Variants in KCNJ6 observed in about 807,000 individuals in gnomAD.
KCNJ6 encodes the protein G protein-activated inward rectifier potassium channel 2.
Under a neutral mutation model 34.2 loss-of-function variants are expected in KCNJ6, and 9 were observed. The ratio of observed to expected loss-of-function variants is 0.26; its 90% CI spans 0.16 to 0.46. The LOEUF is 0.46. Among genes scored for constraint, KCNJ6 ranks in the 20% least tolerant of loss-of-function variants. KCNJ6 has a pLI of 1.00. For synonymous variants in KCNJ6, 196 were observed against 207.1 expected (o/e 0.95, Z 0.46); for missense variants, 236 against 531.3 (o/e 0.44, Z 5.46).
chr21:37,869,853 C>T (rs924393747), intron 1 of KCNJ6, among the ~76,000 whole-genome samples: 6 of 152,208 alleles, frequency 3.9e-5, no homozygotes, highest in Admixed American at 3.9e-4. Context: ...TTAGCAGATG[C>T]TAAGTAGTGA....
At chr21:37,658,184 GA>G (rs1345776107) in intron 3 of KCNJ6, among the ~76,000 whole-genome samples, 1 of 152,210 alleles carries the variant, frequency 6.6e-6, no homozygotes, top group African/African-American at 2.4e-5. Flanking sequence ...ATTCATTTTA[GA>G]GATTAAGTGG....
chr21:37,722,258 A>G (rs541877233), intron 2 of KCNJ6, among the ~76,000 whole-genome samples: 78 of 152,318 alleles, frequency 5.1e-4, no homozygotes, highest in African/African-American at 1.7e-3. Flanking sequence ...AATGATCTCT[A>G]CAAGAACTAC....
chr21:37,792,823 G>A (rs1443285636), intron 2 of KCNJ6, among the ~76,000 whole-genome samples: 2 of 152,140 alleles, frequency 1.3e-5, no homozygotes, highest in African/African-American at 4.8e-5. Context: ...TGGTAAGCTC[G>A]GAAGCACTTC....
At chr21:37,805,303 A>T (rs1178302715) in intron 2 of KCNJ6, among the ~76,000 whole-genome samples, 1 of 151,920 alleles carries the variant, frequency 6.6e-6, no homozygotes, top group African/African-American at 2.4e-5. Context: ...TGAGAAAAAT[A>T]TCACTTCTGG....
In KCNJ6 at chr21:37,715,638, T is replaced by A. The variant is rs183258648; in HGVS notation, c.26-507A>T. Among the ~76,000 whole-genome samples, 18 of 152,290 alleles carry A rather than the reference T, an allele frequency of 1.2e-4. No individual in the cohort carries two copies. The East Asian group carries it at 3.5e-3, about 29-fold the overall frequency. On this transcript the variant is annotated intron_variant, in intron 2 of 3. Transcript: ENST00000609713. The stretch of plus-strand genomic sequence containing the variant: ...CCCCTAAGGTGACAGTATTGGGAGA[T>A]AAGGCCTTTAAGGAGATAGTTAAAG...
chr21:37,724,748 G>A (rs779049306), intron 2 of KCNJ6, among the ~76,000 whole-genome samples: 11 of 152,126 alleles, frequency 7.2e-5, no homozygotes, highest in Admixed American at 1.3e-4. Flanking sequence ...AGCTGAGGGC[G>A]ACCTGGACCT....
intron 1 of KCNJ6, among the ~76,000 whole-genome samples, chr21:37,879,093 C>T (rs986608422): frequency 1.3e-5 from 2 of 152,130 alleles, no homozygotes; most frequent in African/African-American, 2.4e-5. Context: ...ATGCAACAGA[C>T]GGTGATCTTG....
intron 2 of KCNJ6, among the ~76,000 whole-genome samples, chr21:37,724,258 C>T (rs532747337): frequency 1.4e-4 from 22 of 152,120 alleles, no homozygotes; most frequent in African/African-American, 4.3e-4. Context: ...AAGAGCCAGA[C>T]GGTAAATACT....
chr21:37,857,763 GA>G (rs560025089), intron 1 of KCNJ6, among the ~76,000 whole-genome samples: 1 of 151,436 alleles, frequency 6.6e-6, no homozygotes, highest in South Asian at 2.1e-4. Flanking sequence ...AATATTACAG[GA>G]AAAAAAAGAC....
chr21:37,865,169 A>G (rs2055616370), intron 1 of KCNJ6, among the ~76,000 whole-genome samples: 1 of 152,222 alleles, frequency 6.6e-6, no homozygotes, highest in Non-Finnish European at 1.5e-5. Flanking sequence ...GAAAAGCTGG[A>G]GGCCCTATTG....
chr21:37,833,107 C>T (rs192042158), intron 2 of KCNJ6, among the ~76,000 whole-genome samples: 5 of 152,252 alleles, frequency 3.3e-5, no homozygotes, highest in East Asian at 1.9e-4. Context: ...CTCCACCTCC[C>T]GGGTTCAAGC....
chr21:37,870,409 G>C (rs941425177), intron 1 of KCNJ6, among the ~76,000 whole-genome samples: 1 of 152,052 alleles, frequency 6.6e-6, no homozygotes, highest in Non-Finnish European at 1.5e-5. Flanking sequence ...TTCTCTCTTT[G>C]GCACAGGCCC....
intron 1 of KCNJ6, among the ~76,000 whole-genome samples, chr21:37,860,296 A>G (rs73904478): frequency 0.028 from 4,281 of 152,198 alleles, 221 homozygotes; most frequent in African/African-American, 0.097. Flanking sequence ...CCTTCATGGG[A>G]AAGACCATGG....
At chr21:37,657,838 G>T (rs926872285) in intron 3 of KCNJ6, among the ~76,000 whole-genome samples, 13 of 152,336 alleles carry the variant, frequency 8.5e-5, no homozygotes, top group Admixed American at 8.5e-4. Flanking sequence ...TCCATGAAGG[G>T]AATTTTCTGG....
intron 2 of KCNJ6, among the ~76,000 whole-genome samples, chr21:37,738,443 A>T (rs1217158130): frequency 6.6e-6 from 1 of 152,242 alleles, no homozygotes; most frequent in African/African-American, 2.4e-5. Flanking sequence ...CTTTAAAGTT[A>T]CTTGACTGAA....
chr21:37,637,001 A>T (rs857946), intron 3 of KCNJ6, among the ~76,000 whole-genome samples: 111,595 of 152,210 alleles, frequency 0.73, 41,298 homozygotes, highest in East Asian at 0.9. Context: ...GTAGACACTT[A>T]ACCATTTTAT....
intron 3 of KCNJ6, among the ~76,000 whole-genome samples, chr21:37,682,398 G>A (rs2054594721): frequency 6.6e-6 from 1 of 152,142 alleles, no homozygotes. Flanking sequence ...TTAAACTATT[G>A]AAAGCACTAC....
intron 3 of KCNJ6, among the ~76,000 whole-genome samples, chr21:37,647,802 C>T (rs1054773574): frequency 6.6e-6 from 1 of 152,224 alleles, no homozygotes; most frequent in Non-Finnish European, 1.5e-5. Flanking sequence ...TGGAACACCT[C>T]TGCCCCCCAA....
intron 2 of KCNJ6, among the ~76,000 whole-genome samples, chr21:37,782,265 C>G (rs1017852940): frequency 2.6e-5 from 4 of 152,158 alleles, no homozygotes; most frequent in Non-Finnish European, 4.4e-5. Context: ...AATGCTGGCC[C>G]TACTGACACC....
Sources: gnomAD v4.1 joint callset for allele counts (sites outside exome capture counted in the v4.1 genomes callset) on GRCh38, gnomAD v4.1.1 for gene constraint, MANE v1.5 for transcripts, NCBI Gene and HGNC (gene_info 2026-07-23, HGNC 2026-07-21) for gene names.